Variants in TDRD7 observed in about 807,000 individuals in gnomAD.
TDRD7 encodes tudor domain-containing protein 7.
TDRD7 carries 47 observed loss-of-function variants against 109.8 expected under a neutral mutation model. The ratio of observed to expected loss-of-function variants is 0.43; its 90% CI spans 0.34 to 0.55. The LOEUF is 0.55. TDRD7 is among the 20% of genes least tolerant of loss of function. The probability of loss-of-function intolerance (pLI) is 0.03; values close to 1 mark genes in which losing one functional copy is unlikely to be tolerated. For missense variants in TDRD7, 1,164 were observed against 1,319.2 expected, an observed-to-expected ratio of 0.88 and a Z score of 1.82; for synonymous variants, 424 against 457.3, an observed-to-expected ratio of 0.93 and a Z score of 0.93.
intron 4 of TDRD7, among the ~76,000 whole-genome samples, chr9:97,434,529 G>A (rs1407670620): frequency 2.0e-5 from 3 of 152,160 alleles, no homozygotes; most frequent in African/African-American, 7.2e-5. Context: ...AGTAATGCAT[G>A]TGTTAAGCAG....
At position 97,432,113 on chromosome 9, in the gene TDRD7, A is replaced by G; in HGVS notation, c.438A>G (p.Lys146=). ...CTAATCCAGCACCGTTAAGAGACAAAGGAAACTCTGTTGGAGTTAAGCCTG... is the reference window on the plus strand; with the variant it reads ...CTAATCCAGCACCGTTAAGAGACAAGGGAAACTCTGTTGGAGTTAAGCCTG... ...KKPNPAPLRD[K]GNSVGVKPDA... Residue 146 remains lysine, a synonymous_variant, in exon 4 of 17, where the codon AAA becomes AAG. Transcript: ENST00000355295. The G allele has an allele frequency of 6.2e-7, 1 of 1,613,876 alleles. No individual in the cohort carries two copies. The highest frequency in any genetic ancestry group is 2.2e-5 in the East Asian group (1 of 44,874).
At chr9:97,423,277 A>G (rs1016617812) in intron 1 of TDRD7, among the ~76,000 whole-genome samples, 1 of 152,106 alleles carries the variant, frequency 6.6e-6, no homozygotes, top group African/African-American at 2.4e-5. Flanking sequence ...CAATAAATTT[A>G]TCTATTTCAT....
At chr9:97,419,730 G>A (rs1373526081) in intron 1 of TDRD7, among the ~76,000 whole-genome samples, 1 of 152,032 alleles carries the variant, frequency 6.6e-6, no homozygotes, top group Non-Finnish European at 1.5e-5. Flanking sequence ...TCACACCACT[G>A]TTTTTTTCTT....
intron 3 of TDRD7, among the ~76,000 whole-genome samples, chr9:97,431,309 T>C (rs1828100841): frequency 6.6e-6 from 1 of 152,232 alleles, no homozygotes; most frequent in Admixed American, 6.5e-5. Flanking sequence ...CAGATTTTAA[T>C]TGAGCTTGTT....
At chr9:97,492,901 A>T (rs1829331343) in intron 16 of TDRD7, among the ~76,000 whole-genome samples, 1 of 152,204 alleles carries the variant, frequency 6.6e-6, no homozygotes, top group South Asian at 2.1e-4. Flanking sequence ...ATAGGCATCC[A>T]CTAGAGAGAA....
chr9:97,487,300 T>C lies in TDRD7; in HGVS notation c.3044T>C (p.Leu1015Pro), dbSNP rs1224961341. The C allele has an allele frequency of 6.2e-7, 1 of 1,613,758 alleles. No homozygotes were observed. Among genetic ancestry groups the C allele is most frequent in the Admixed American group, 1.7e-5 (1 of 59,978 alleles). Reference protein sequence around the residue: ...VQPLVDMFRKLPFQAVTAQLA... With the variant: ...VQPLVDMFRKPPFQAVTAQLA... ...CCCCTAGTGGACATGTTCCGAAAGCTGCCCTTCCAAGCAGTCACAGCTCAA... is the reference window on the plus strand; with the variant it reads ...CCCCTAGTGGACATGTTCCGAAAGCCGCCCTTCCAAGCAGTCACAGCTCAA... The change falls in exon 16 of 17, where the codon CTG becomes CCG. Residue 1015 changes from leucine (L) to proline (P), a missense_variant. Leu to Pro is a moderately conservative substitution (Grantham distance 98). Around this residue, in one of 5 missense-constraint regions of TDRD7, gnomAD observed 162 missense variants for 222.5 expected, o/e 0.73. Coordinates refer to ENST00000355295, the MANE Select transcript of TDRD7 (RefSeq NM_014290.3).
At chr9:97,457,539 C>T (rs1450706012) in intron 6 of TDRD7, among the ~76,000 whole-genome samples, 2 of 152,106 alleles carry the variant, frequency 1.3e-5, no homozygotes, top group Non-Finnish European at 2.9e-5. Flanking sequence ...CCACCACACC[C>T]AGCTAATATT....
Position 97,460,553 on chromosome 9 carries a change from G to A in TDRD7, c.1231G>A (p.Asp411Asn). The A allele has an allele frequency of 3.1e-6, 5 of 1,614,180 alleles. No homozygotes were observed. Among genetic ancestry groups the A allele is most frequent in the East Asian group, 4.5e-5 (2 of 44,862 alleles). ...CTATGCTAAACTTCCATTGCCCACT[G>A]ACAAAATCCAAAAGGATGCAGGGCA... ...ILYAKLPLPT[D>N]KIQKDAGQAH... Residue 411 changes from aspartate to asparagine, a missense_variant, in exon 7 of 17, where the codon GAC (aspartate) becomes AAC (asparagine). Asp to Asn is a conservative substitution (Grantham distance 23, BLOSUM62 1). Transcript: ENST00000355295.
chr9:97,474,534 A>G (rs538569209), intron 11 of TDRD7, among the ~76,000 whole-genome samples: 1 of 152,324 alleles, frequency 6.6e-6, no homozygotes, highest in African/African-American at 2.4e-5. Context: ...TAGAATAGGT[A>G]TGCCAAAATA....
At chr9:97,415,973 A>AT (rs967646223) in intron 1 of TDRD7, among the ~76,000 whole-genome samples, 47 of 152,258 alleles carry the variant, frequency 3.1e-4, no homozygotes, top group Admixed American at 4.6e-4. Flanking sequence ...AATAATGACG[A>AT]TTTTTTTTAA....
chr9:97,460,142 G>A (rs1564205831), intron 6 of TDRD7, 36 bp from the exon 7 acceptor site: 1 of 1,584,008 alleles, frequency 6.3e-7, no homozygotes. Context: ...TATAGTCACT[G>A]AAATATCTGT....
intron 1 of TDRD7, among the ~76,000 whole-genome samples, chr9:97,415,425 A>G (rs1344668389): frequency 6.6e-6 from 1 of 152,214 alleles, no homozygotes; most frequent in African/African-American, 2.4e-5. Flanking sequence ...GTTCTTCAGA[A>G]TAGGACTTCC....
intron 6 of TDRD7, among the ~76,000 whole-genome samples, chr9:97,450,350 C>G (rs1305428960): frequency 1.3e-5 from 2 of 152,160 alleles, no homozygotes; most frequent in Admixed American, 6.5e-5. Context: ...GTAGAGGAGG[C>G]CTTCTGACTC....
chr9:97,450,529 C>A (rs1401324897), intron 6 of TDRD7, among the ~76,000 whole-genome samples: 1 of 152,102 alleles, frequency 6.6e-6, no homozygotes, highest in Non-Finnish European at 1.5e-5. Flanking sequence ...TTGTGAAGAC[C>A]ATAAGATGGC....
At chr9:97,458,965 T>C (rs943939413) in intron 6 of TDRD7, among the ~76,000 whole-genome samples, 9 of 152,218 alleles carry the variant, frequency 5.9e-5, no homozygotes, top group African/African-American at 2.2e-4. Flanking sequence ...TACTTTAAAA[T>C]TCTGTTCTTC....
intron 1 of TDRD7, among the ~76,000 whole-genome samples, chr9:97,421,698 TTGTGTGTGTGTGTGTGTGTG>T (rs59218055): frequency 2.1e-4 from 30 of 142,958 alleles, no homozygotes; most frequent in East Asian, 1.3e-3. Flanking sequence ...TGCCCAGCTT[TTGTGTGTGTGTGTGTGTGTG>T]TGTGTGTGTG....
chr9:97,427,075 C>G (rs1038904005), intron 1 of TDRD7, among the ~76,000 whole-genome samples: 1 of 152,164 alleles, frequency 6.6e-6, no homozygotes, highest in Non-Finnish European at 1.5e-5. Flanking sequence ...TAAAACATCA[C>G]AGAAAGTTCT....
At chr9:97,442,425 G>T (rs1268701824) in intron 6 of TDRD7, among the ~76,000 whole-genome samples, 1 of 152,086 alleles carries the variant, frequency 6.6e-6, no homozygotes, top group East Asian at 1.9e-4. Context: ...ATTTAAAAAT[G>T]ATTTATCAAT....
chr9:97,486,753 C>T (rs1413546177), intron 15 of TDRD7, among the ~76,000 whole-genome samples: 1 of 152,138 alleles, frequency 6.6e-6, no homozygotes, highest in Non-Finnish European at 1.5e-5. Flanking sequence ...GTCCTGCTTG[C>T]CTCTCTCTTT....
Sources: gnomAD v4.1 joint callset for allele counts (sites outside exome capture counted in the v4.1 genomes callset) on GRCh38, gnomAD v4.1.1 for gene constraint, gnomAD v4.1.1 regional missense constraint, MANE v1.5 for transcripts, NCBI Gene and HGNC (gene_info 2026-07-23, HGNC 2026-07-21) for gene names.